NPLOC4: variants seen among roughly 807,000 people sequenced by gnomAD.
The protein encoded by NPLOC4 is nuclear protein localization protein 4 homolog.
Under a neutral mutation model 80.6 loss-of-function variants are expected in NPLOC4, and 18 were observed. That is an observed-to-expected ratio of 0.22 (90% CI 0.15 to 0.33). The LOEUF is 0.33. Among genes scored for constraint, NPLOC4 ranks in the 10% least tolerant of loss-of-function variants. NPLOC4 has a pLI of 1.00. For synonymous variants in NPLOC4, 313 were observed against 301.5 expected (o/e 1.04, Z -0.39); for missense variants, 540 against 786.1 (o/e 0.69, Z 3.74).
rs2035101619 is a variant in NPLOC4 at position 81,602,963 on chromosome 17, AC to A, written c.834+1584del. ...TATATACACACACATATATATACAC[AC>A]ATATATATACACAAATACACACACA... On this transcript the variant is annotated intron_variant, in intron 8 of 16. Transcript: ENST00000331134. Among the ~76,000 whole-genome samples, 8 of 133,904 alleles carry A rather than the reference AC, an allele frequency of 6.0e-5. No homozygotes were observed. In the South Asian group the frequency reaches 7.1e-4, roughly 12 times the overall value. The allele number at this position is 133,904 out of a possible 152,430, so 87.8% of individuals were successfully genotyped here.
intron 2 of NPLOC4, among the ~76,000 whole-genome samples, chr17:81,626,960 C>A (rs1209896477): frequency 6.6e-6 from 1 of 151,214 alleles, no homozygotes; most frequent in Admixed American, 6.6e-5. Flanking sequence ...CATGGTGGTG[C>A]GAGCCTGTAG....
Position 81,613,413 on chromosome 17 carries a change from G to C in NPLOC4, c.291C>G (p.Phe97Leu). ...SEMETSVPPGFKVFGAPNVVE... is the reference protein window; with the variant it reads ...SEMETSVPPGLKVFGAPNVVE... ...CCACGTTGGGAGCGCCAAAGACTTT[G>C]AAGCCCGGTGGAACTGACGTCTCCA... Residue 97 changes from phenylalanine (F) to leucine (L), a missense_variant, in exon 4 of 17, where the codon TTC becomes TTG. Transcript: ENST00000331134. 6.2e-7 allele frequency: 1 copy of C among 1,613,954 alleles called. No individual in the cohort carries two copies. The highest frequency in any genetic ancestry group is 8.5e-7 in the Non-Finnish European group (1 of 1,179,902).
chr17:81,576,690 G>C (rs1459672472), intron 12 of NPLOC4, among the ~76,000 whole-genome samples: 1 of 152,194 alleles, frequency 6.6e-6, no homozygotes, highest in African/African-American at 2.4e-5. Context: ...AATATACAAA[G>C]ACCTCACAAA....
chr17:81,623,738 C>A (rs1232230025), intron 2 of NPLOC4, among the ~76,000 whole-genome samples: 1 of 150,626 alleles, frequency 6.6e-6, no homozygotes, highest in South Asian at 2.1e-4. Context: ...GCGGAGCTTG[C>A]AGTGAGCCGA....
At chr17:81,571,764 CT>C (rs1174689411) in intron 13 of NPLOC4, among the ~76,000 whole-genome samples, 1 of 152,176 alleles carries the variant, frequency 6.6e-6, no homozygotes, top group Non-Finnish European at 1.5e-5. Flanking sequence ...CAGTTAACCC[CT>C]AGGTTGACGT....
chr17:81,623,058 G>T (rs2035706632), intron 2 of NPLOC4, among the ~76,000 whole-genome samples: 2 of 152,092 alleles, frequency 1.3e-5, no homozygotes, highest in East Asian at 3.9e-4. Context: ...GCCAGGCATG[G>T]TGGCACATGC....
At chr17:81,574,529 T>A (rs9893365) in intron 12 of NPLOC4, among the ~76,000 whole-genome samples, 94,043 of 151,888 alleles carry the variant, frequency 0.62, 31,087 homozygotes, top group Non-Finnish European at 0.73. Context: ...TGGGAGGAGG[T>A]TGTCTTAATT....
chr17:81,606,233 C>A (rs1345140001), intron 7 of NPLOC4, among the ~76,000 whole-genome samples: 1 of 152,088 alleles, frequency 6.6e-6, no homozygotes, highest in Non-Finnish European at 1.5e-5. Context: ...AAGGGCACAG[C>A]GGCAGGAGGA....
At chr17:81,623,659 G>A (rs1469410282) in intron 2 of NPLOC4, among the ~76,000 whole-genome samples, 3 of 151,678 alleles carry the variant, frequency 2.0e-5, no homozygotes, top group Non-Finnish European at 2.9e-5. Flanking sequence ...TTAGCCGGGC[G>A]TGGTGGTGGG....
chr17:81,585,170 CAAAA>C (rs35473939), intron 12 of NPLOC4, among the ~76,000 whole-genome samples: 175 of 40,770 alleles, frequency 4.3e-3, no homozygotes, highest in African/African-American at 0.022. Context: ...ACTCTGTCGC[CAAAA>C]AAAAAAAAAA....
chr17:81,611,062 C>T (rs1465115252), intron 4 of NPLOC4, among the ~76,000 whole-genome samples: 5 of 152,028 alleles, frequency 3.3e-5, no homozygotes, highest in African/African-American at 1.2e-4. Flanking sequence ...GCTCACACCT[C>T]TAATCCCAAC....
chr17:81,585,281 G>A (rs895789341), intron 12 of NPLOC4, among the ~76,000 whole-genome samples: 1 of 150,556 alleles, frequency 6.6e-6, no homozygotes, highest in Non-Finnish European at 1.5e-5. Context: ...GGAGATGACC[G>A]ACGACAGAGA....
At chr17:81,635,953 G>C (rs993287311) in intron 1 of NPLOC4, among the ~76,000 whole-genome samples, 3 of 150,590 alleles carry the variant, frequency 2.0e-5, no homozygotes, top group African/African-American at 7.4e-5. Context: ...TATTTTTTAC[G>C]TTAAGGAGGA....
At chr17:81,630,740 G>T (rs975986915) in intron 1 of NPLOC4, among the ~76,000 whole-genome samples, 3 of 152,174 alleles carry the variant, frequency 2.0e-5, no homozygotes, top group African/African-American at 7.2e-5. Flanking sequence ...AGCCAGGCAT[G>T]GTGGCGTACG....
In NPLOC4 at chr17:81,610,896, G is replaced by A. The variant is rs1392402072; in HGVS notation, c.387-638C>T. 1.9e-5 allele frequency among the ~76,000 whole-genome samples: 2 copies of A among 107,858 alleles called. 1 individual carries two copies. Among genetic ancestry groups the A allele is most frequent in the Non-Finnish European group, 4.3e-5 (2 of 46,528 alleles). 70.8% of individuals were successfully genotyped at this position (107,858 alleles called of 152,430 possible). On this transcript the variant is annotated intron_variant, in intron 4 of 16. Transcript: ENST00000331134. ...GAACCCGGGAAGCGGAGCTTGCAGT[G>A]AGCCGAGATTGCGCCACTGCAGTCC...
chr17:81,622,573 G>C (rs1050989726), intron 2 of NPLOC4, among the ~76,000 whole-genome samples: 4 of 152,168 alleles, frequency 2.6e-5, no homozygotes, highest in Non-Finnish European at 5.9e-5. Context: ...TTTGTTTTCA[G>C]ACAGTCTCGT....
Position 81,598,633 on chromosome 17 carries a change from G to A in NPLOC4, c.922-1317C>T, listed in dbSNP as rs1035486991. Among the ~76,000 whole-genome samples the A allele has an allele frequency of 2.0e-5, 3 of 152,186 alleles. 1 individual carries two copies. Among genetic ancestry groups the A allele is most frequent in the Non-Finnish European group, 2.9e-5 (2 of 68,028 alleles). The stretch of plus-strand genomic sequence containing the variant: ...ACCTGTGACCCAGCAACCCCTGCAC[G>A]TTCAGTGTAGCAGTGCCTGTGTGCT... On this transcript the variant is annotated intron_variant, in intron 9 of 16. Transcript: ENST00000331134.
At chr17:81,573,777 G>A (rs1331535491) in intron 12 of NPLOC4, among the ~76,000 whole-genome samples, 2 of 152,166 alleles carry the variant, frequency 1.3e-5, no homozygotes, top group Non-Finnish European at 2.9e-5. Flanking sequence ...GAGGGCAGGA[G>A]AATGAACCTG....
intron 12 of NPLOC4, among the ~76,000 whole-genome samples, chr17:81,585,446 G>T (rs1028248972): frequency 6.6e-6 from 1 of 151,892 alleles, no homozygotes; most frequent in South Asian, 2.1e-4. Flanking sequence ...GGCAGATCAC[G>T]AGGTCAGGAG....
Sources: allele counts gnomAD v4.1 joint callset (sites outside exome capture counted in the v4.1 genomes callset), GRCh38; gene constraint gnomAD v4.1.1; transcripts MANE v1.5; gene names NCBI Gene and HGNC (gene_info 2026-07-23, HGNC 2026-07-21).